The following KCNAB1 variants were observed in gnomAD, a reference collection of about 807,000 sequenced individuals.
KCNAB1 encodes the protein voltage-gated potassium channel subunit beta-1.
A neutral mutation model predicts 64.6 loss-of-function variants in KCNAB1; 35 were observed. The ratio of observed to expected loss-of-function variants is 0.54; its 90% CI spans 0.41 to 0.72. The LOEUF is 0.72. KCNAB1 is among the 30% of genes least tolerant of loss of function. The pLI, the probability that KCNAB1 is intolerant of heterozygous loss-of-function variation, is 0.00. For synonymous variants in KCNAB1, 177 were observed against 183.8 expected, an observed-to-expected ratio of 0.96 and a Z score of 0.30; for missense variants, 401 against 512.9, an observed-to-expected ratio of 0.78 and a Z score of 2.11.
intron 1 of KCNAB1, among the ~76,000 whole-genome samples, chr3:156,363,575 A>G (rs1222912871): frequency 6.6e-6 from 1 of 151,996 alleles, no homozygotes; most frequent in Non-Finnish European, 1.5e-5. Context: ...TCCTGGGTTC[A>G]AGAGATTCTG....
intron 1 of KCNAB1, chr3:156,290,997 C>T (rs1423641993): frequency 1.0e-6 from 1 of 985,728 alleles, no homozygotes; most frequent in Non-Finnish European, 1.2e-6. Flanking sequence ...AATTCACTGG[C>T]GTGTTCCGCG....
chr3:156,391,524 G>C (rs760969750), intron 1 of KCNAB1, among the ~76,000 whole-genome samples: 1 of 152,174 alleles, frequency 6.6e-6, no homozygotes, highest in African/African-American at 2.4e-5. Context: ...CTAAATTTCA[G>C]GAAAGTGCTT....
At chr3:156,365,199 C>A (rs866394352) in intron 1 of KCNAB1, among the ~76,000 whole-genome samples, 1 of 152,134 alleles carries the variant, frequency 6.6e-6, no homozygotes, top group Non-Finnish European at 1.5e-5. Flanking sequence ...CACTGTGTAA[C>A]CCCAGTCAAT....
intron 1 of KCNAB1, among the ~76,000 whole-genome samples, chr3:156,175,229 A>G (rs1299393206): frequency 6.6e-6 from 1 of 152,176 alleles, no homozygotes; most frequent in Non-Finnish European, 1.5e-5. Context: ...ATATCCTACA[A>G]GCCAGTTACT....
At chr3:156,295,521 A>G (rs1026974683) in intron 1 of KCNAB1, among the ~76,000 whole-genome samples, 1 of 152,240 alleles carries the variant, frequency 6.6e-6, no homozygotes, top group Non-Finnish European at 1.5e-5. Context: ...AGGCACTATT[A>G]TATTCACACC....
chr3:156,528,628 T>C, intron 12 of KCNAB1, among the ~76,000 whole-genome samples: 1 of 151,974 alleles, frequency 6.6e-6, no homozygotes, highest in Non-Finnish European at 1.5e-5. Context: ...AGGCAAATAT[T>C]AGTGAGGCAA....
At chr3:156,479,206 T>A (rs1714607525) in intron 8 of KCNAB1, among the ~76,000 whole-genome samples, 1 of 152,194 alleles carries the variant, frequency 6.6e-6, no homozygotes, top group African/African-American at 2.4e-5. Context: ...CTTATGGGTC[T>A]GTGTTCCTCC....
rs567068569 is a variant in KCNAB1, at chr3:156,320,143, A to G, written c.276-101473A>G. On this transcript the variant is annotated intron_variant, in intron 1 of 13. Transcript: ENST00000490337. ...GCTGTGCACAGGGTGTCAGGGAGCC[A>G]TGCTTAGCTACTGTGTCCTAGCTGC... 2.0e-5 allele frequency among the ~76,000 whole-genome samples: 3 copies of G among 152,336 alleles called. No individual in the cohort carries two copies. In the East Asian group the frequency reaches 5.8e-4, roughly 29 times the overall value.
intron 1 of KCNAB1, among the ~76,000 whole-genome samples, chr3:156,278,444 AT>A (rs1222536075): frequency 3.9e-5 from 6 of 152,208 alleles, no homozygotes; most frequent in East Asian, 1.9e-4. Flanking sequence ...CACGAAGTCT[AT>A]TTTTTCCCCC....
In KCNAB1 at chr3:156,176,489, G is replaced by A. The variant is rs550025351; in HGVS notation, c.275+55603G>A. 6.3e-6 allele frequency: 5 copies of A among 791,872 alleles called. 1 individual carries two copies. The highest frequency in any genetic ancestry group is 4.0e-5 in the South Asian group (3 of 74,722). The allele number at this position is 791,872 out of a possible 1,614,324, so 49.1% of individuals were successfully genotyped here. On this transcript the variant is annotated intron_variant, in intron 1 of 13. Coordinates refer to ENST00000490337, the MANE Select transcript of KCNAB1 (RefSeq NM_172160.3). The stretch of plus-strand genomic sequence containing the variant: ...CTTTAGCGTTTTAACCCTCTTGCCC[G>A]TTTCACTATCCCACACAGCCACAGT...
chr3:156,301,671 A>G (rs538482240), intron 1 of KCNAB1, among the ~76,000 whole-genome samples: 2 of 152,350 alleles, frequency 1.3e-5, no homozygotes, highest in South Asian at 4.1e-4. Flanking sequence ...ACTTTCACTC[A>G]AATACAGTTT....
At chr3:156,410,482 G>A (rs1175349275) in intron 1 of KCNAB1, among the ~76,000 whole-genome samples, 1 of 152,072 alleles carries the variant, frequency 6.6e-6, no homozygotes, top group African/African-American at 2.4e-5. Context: ...CAACATTCTG[G>A]TAGATATTTT....
chr3:156,239,289 T>C (rs1717033118), intron 1 of KCNAB1, among the ~76,000 whole-genome samples: 2 of 152,256 alleles, frequency 1.3e-5, no homozygotes, highest in Non-Finnish European at 2.9e-5. Flanking sequence ...TGTTTCTTTT[T>C]ATTGCCTTTC....
At chr3:156,308,329 C>G (rs1441656714) in intron 1 of KCNAB1, among the ~76,000 whole-genome samples, 1 of 152,106 alleles carries the variant, frequency 6.6e-6, no homozygotes, top group Non-Finnish European at 1.5e-5. Context: ...TCATTTTATT[C>G]TGGGTGAGTG....
At chr3:156,154,636 C>T (rs1715611163) in intron 1 of KCNAB1, among the ~76,000 whole-genome samples, 1 of 152,176 alleles carries the variant, frequency 6.6e-6, no homozygotes, top group Non-Finnish European at 1.5e-5. Flanking sequence ...ACAACTGAAA[C>T]ACTCTTTCAC....
At chr3:156,441,612 A>G (rs549069799) in intron 2 of KCNAB1, among the ~76,000 whole-genome samples, 95 of 152,306 alleles carry the variant, frequency 6.2e-4, no homozygotes, top group African/African-American at 2.2e-3. Flanking sequence ...AGAAATTGCC[A>G]TTTAGTCCTA....
At chr3:156,155,727 T>C (rs1336359524) in intron 1 of KCNAB1, among the ~76,000 whole-genome samples, 3 of 152,082 alleles carry the variant, frequency 2.0e-5, no homozygotes, top group Non-Finnish European at 4.4e-5. Flanking sequence ...AAGGGGAGAA[T>C]TGAAAGTTCA....
rs567366119 is a variant in KCNAB1 at position 156,135,100 on chromosome 3, G to A, written c.275+14214G>A. Reference sequence around the variant, plus strand: ...CAACCTCCGCTTCCTGGGTTCAAGTGATTCTCATGCCTCAGCCTCCCGAGT... The same window carrying A: ...CAACCTCCGCTTCCTGGGTTCAAGTAATTCTCATGCCTCAGCCTCCCGAGT... On this transcript the variant is annotated intron_variant, in intron 1 of 13. Transcript: ENST00000490337. Among the ~76,000 whole-genome samples, 4 of 152,002 alleles carry A rather than the reference G, an allele frequency of 2.6e-5. No homozygotes were observed. The East Asian group carries it at 7.7e-4, about 29-fold the overall frequency.
In KCNAB1 at chr3:156,212,665, A is replaced by G. The variant is rs150131323; in HGVS notation, c.275+91779A>G. On this transcript the variant is annotated intron_variant, in intron 1 of 13. Coordinates refer to ENST00000490337, the MANE Select transcript of KCNAB1 (RefSeq NM_172160.3). ...TGCAGAGGTCTGACCTAAGCAGCTA[A>G]GACCTCCAGAAATTGATGATTGGGT... Among the ~76,000 whole-genome samples, 420 of 152,292 alleles carry G rather than the reference A, an allele frequency of 2.8e-3. 3 individuals carry two copies. The highest frequency in any genetic ancestry group is 9.3e-3 in the African/African-American group (388 of 41,566).
Sources: gnomAD v4.1 joint callset for allele counts (sites outside exome capture counted in the v4.1 genomes callset) on GRCh38, gnomAD v4.1.1 for gene constraint, MANE v1.5 for transcripts, NCBI Gene and HGNC (gene_info 2026-07-23, HGNC 2026-07-21) for gene names.